Variants in NAA40 observed in about 807,000 individuals in gnomAD.
NAA40 encodes N-alpha-acetyltransferase 40.
NAA40 carries 26 observed loss-of-function variants against 36.6 expected under a neutral mutation model. That is an observed-to-expected ratio of 0.71 (90% CI 0.52 to 0.98). The LOEUF (loss-of-function observed/expected upper bound fraction) is 0.98. NAA40 is among the 50% of genes least tolerant of loss of function. NAA40 has a pLI of 0.00. For missense variants in NAA40, 237 were observed against 306.5 expected (o/e 0.77, Z 1.69); for synonymous variants, 129 against 108.4 (o/e 1.19, Z -1.18).
chr11:63,939,014 G>T lies in NAA40; in HGVS notation c.-83G>T. The T allele has an allele frequency of 1.4e-6, 2 of 1,419,082 alleles. No homozygotes were observed. Among genetic ancestry groups the T allele is most frequent in the Non-Finnish European group, 1.9e-6 (2 of 1,030,956 alleles). 87.9% of individuals were successfully genotyped at this position (1,419,082 alleles called of 1,614,324 possible). On this transcript the variant is annotated 5_prime_UTR_variant, in exon 1 of 8. Coordinates refer to ENST00000377793, the MANE Select transcript of NAA40 (RefSeq NM_024771.4). ...GCGTTGCAGGGCCGTCCGCTCTGCT[G>T]CCGCCGCTGTTGCAGCCACCGCCGT...
intron 3 of NAA40, among the ~76,000 whole-genome samples, chr11:63,949,358 C>T (rs975868405): frequency 6.6e-6 from 1 of 151,994 alleles, no homozygotes; most frequent in African/African-American, 2.4e-5. Flanking sequence ...GGTACATGTG[C>T]AGCTGTGTAG....
intron 6 of NAA40, among the ~76,000 whole-genome samples, chr11:63,953,265 G>A (rs1321672114): frequency 6.6e-6 from 1 of 151,986 alleles, no homozygotes; most frequent in Non-Finnish European, 1.5e-5. Flanking sequence ...GGCTGGTCTC[G>A]AACTCCTGAC....
At chr11:63,945,012 G>C in intron 1 of NAA40, among the ~76,000 whole-genome samples, 1 of 152,138 alleles carries the variant, frequency 6.6e-6, no homozygotes, top group East Asian at 1.9e-4. Flanking sequence ...AGGGTGAGTG[G>C]GTCTTAGGCC....
Position 63,952,316 on chromosome 11 carries a change from A to C in NAA40, c.234A>C (p.Lys78Asn). The C allele has an allele frequency of 6.2e-7, 1 of 1,613,906 alleles. No homozygotes were observed. Among genetic ancestry groups the C allele is most frequent in the Non-Finnish European group, 8.5e-7 (1 of 1,179,864 alleles). Reference protein sequence around the residue: ...ATVDWAFDLTKTNMQTMYEQS... With the variant: ...ATVDWAFDLTNTNMQTMYEQS... ...TGGATTGGGCCTTCGACCTGACCAA[A>C]ACGAATATGCAAACCATGTAAGCTT... The change falls in exon 4 of 8, where the codon AAA (lysine) becomes AAC (asparagine). Residue 78 changes from lysine (K) to asparagine (N), a missense_variant. Lys to Asn is a moderately conservative substitution (Grantham distance 94). Coordinates refer to ENST00000377793, the MANE Select transcript of NAA40 (RefSeq NM_024771.4).
chr11:63,948,034 T>C (rs1442912216), intron 3 of NAA40, among the ~76,000 whole-genome samples: 2 of 151,954 alleles, frequency 1.3e-5, no homozygotes, highest in East Asian at 3.9e-4. Context: ...TTTGTATTTT[T>C]AGTAGAGATG....
rs913191828 is a variant in NAA40 at position 63,954,539 on chromosome 11, T to C, written c.*60T>C. 2 of 1,513,466 alleles carry C rather than the reference T, an allele frequency of 1.3e-6. No homozygotes were observed. Among genetic ancestry groups the C allele is most frequent in the African/African-American group, 1.4e-5 (1 of 71,456 alleles). The allele number at this position is 1,513,466 out of a possible 1,614,324, so 93.8% of individuals were successfully genotyped here. A position where few individuals can be genotyped will look rare whatever the true frequency, so the allele number is the denominator to read the frequency against. ...TCCTAAGGCCTTTCCTCTTTCCTGG[T>C]CTCACTGTTCACCGGGTGTCCTCAG... On this transcript the variant is annotated 3_prime_UTR_variant, in exon 8 of 8. Coordinates refer to ENST00000377793, the MANE Select transcript of NAA40 (RefSeq NM_024771.4).
chr11:63,939,226 C>T (rs1245838211), intron 1 of NAA40, 124 bp downstream of exon 1: 6 of 1,215,418 alleles, frequency 4.9e-6, no homozygotes, highest in East Asian at 4.2e-5. Context: ...GACCCCTGAC[C>T]CCCACATGAC....
chr11:63,944,200 C>T (rs1339549619), intron 1 of NAA40, among the ~76,000 whole-genome samples: 3 of 152,158 alleles, frequency 2.0e-5, no homozygotes, highest in African/African-American at 7.2e-5. Context: ...CTGAGAACTT[C>T]CCCAGCATCT....
intron 3 of NAA40, 30 bp downstream of exon 3, chr11:63,947,033 G>T (rs1248062252): frequency 6.3e-7 from 1 of 1,593,210 alleles, no homozygotes; most frequent in African/African-American, 1.3e-5. Flanking sequence ...ACCAACTGCT[G>T]TCTCCTCGAG....
In NAA40 at chr11:63,957,060, T is replaced by C. The variant is rs1942377331; in HGVS notation, c.*2581T>C. On this transcript the variant is annotated 3_prime_UTR_variant, in exon 8 of 8. Coordinates refer to ENST00000377793, the MANE Select transcript of NAA40 (RefSeq NM_024771.4). Reference sequence around the variant, plus strand: ...TTGTTTGGAGCATGTTAAGATTTTTTTAAGATTTTTAAAATTTTAGTTATA... The same window carrying C: ...TTGTTTGGAGCATGTTAAGATTTTTCTAAGATTTTTAAAATTTTAGTTATA... The C allele has an allele frequency of 6.6e-6, 1 of 151,892 alleles. No individual in the cohort carries two copies. Among genetic ancestry groups the C allele is most frequent in the Admixed American group, 6.6e-5 (1 of 15,244 alleles). The allele number at this position is 151,892 out of a possible 1,614,324, so 9.4% of individuals were successfully genotyped here. A position where few individuals can be genotyped will look rare whatever the true frequency, so the allele number is the denominator to read the frequency against.
intron 3 of NAA40, among the ~76,000 whole-genome samples, chr11:63,948,488 G>C (rs1339549469): frequency 1.3e-5 from 2 of 152,066 alleles, no homozygotes; most frequent in African/African-American, 4.8e-5. Context: ...GGAGGCCGAG[G>C]TGGGCGGATC....
intron 1 of NAA40, 107 bp downstream of exon 1, chr11:63,939,209 C>G: frequency 8.2e-7 from 1 of 1,217,540 alleles, no homozygotes. Flanking sequence ...CCCCTCCAGC[C>G]TCACGTGACC....
At chr11:63,953,109 T>C (rs7130979) in intron 6 of NAA40, among the ~76,000 whole-genome samples, 144,716 of 148,680 alleles carry the variant, frequency 0.97, 70,497 homozygotes, top group East Asian at 1. Flanking sequence ...AGTGCAATGG[T>C]GCCATCTTGG....
intron 6 of NAA40, 121 bp downstream of exon 6, chr11:63,952,960 AG>A: frequency 2.6e-6 from 2 of 759,618 alleles, no homozygotes; most frequent in South Asian, 3.4e-5. Context: ...TTTGGGAGAA[AG>A]GTGTCTTAGA....
At chr11:63,946,907 C>A in intron 2 of NAA40, 44 bp from the exon 3 acceptor site, 1 of 1,611,532 alleles carries the variant, frequency 6.2e-7, no homozygotes, top group Non-Finnish European at 8.5e-7. Context: ...TCTGCACCTC[C>A]GCCCCACTTG....
intron 1 of NAA40, among the ~76,000 whole-genome samples, chr11:63,943,803 A>T (rs916884563): frequency 6.6e-6 from 1 of 152,184 alleles, no homozygotes; most frequent in African/African-American, 2.4e-5. Flanking sequence ...TCTAAAAAAA[A>T]TAAAGAAAAA....
chr11:63,948,634 C>T (rs1308378789), intron 3 of NAA40, among the ~76,000 whole-genome samples: 3 of 152,024 alleles, frequency 2.0e-5, no homozygotes, highest in African/African-American at 4.8e-5. Context: ...AGGAGAATGG[C>T]GTGAACCCGG....
At chr11:63,953,135 A>G (rs762614383) in intron 6 of NAA40, among the ~76,000 whole-genome samples, 5 of 135,030 alleles carry the variant, frequency 3.7e-5, no homozygotes, top group Admixed American at 3.6e-4. Flanking sequence ...TGCAGCCTCC[A>G]CGTACCGGGT....
At chr11:63,939,164 T>C (rs1208980485) in intron 1 of NAA40, 62 bp downstream of exon 1, 3 of 1,465,122 alleles carry the variant, frequency 2.0e-6, no homozygotes, top group Non-Finnish European at 2.7e-6. Context: ...CCTCGCCCCC[T>C]TTGTTCTTAA....
Sources: allele counts gnomAD v4.1 joint callset (sites outside exome capture counted in the v4.1 genomes callset), GRCh38; gene constraint gnomAD v4.1.1; transcripts MANE v1.5; gene names NCBI Gene and HGNC (gene_info 2026-07-23, HGNC 2026-07-21).